Variants in SPANXN2 observed in about 807,000 individuals in gnomAD.
The protein encoded by SPANXN2 is SPANX family member N2.
A neutral mutation model predicts 2.0 loss-of-function variants in SPANXN2; 1 was observed. The ratio of observed to expected loss-of-function variants is 0.50; its 90% confidence interval spans 0.18 to 2.36. The LOEUF (loss-of-function observed/expected upper bound fraction) is 2.36. Ranked by LOEUF, SPANXN2 falls within the 30% of genes most tolerant of loss-of-function variation. The pLI, the probability that SPANXN2 is intolerant of heterozygous loss-of-function variation, is 0.26. For synonymous variants in SPANXN2, 43 were observed against 49.8 expected, an observed-to-expected ratio of 0.86 and a Z score of 0.58; for missense variants, 88 against 116.7, an observed-to-expected ratio of 0.75 and a Z score of 1.13.
intron 1 of SPANXN2, among the ~76,000 whole-genome samples, chrX:143,719,987 G>A (rs782669873): frequency 9.0e-6 from 1 of 110,702 alleles, no homozygotes; most frequent in African/African-American, 3.3e-5. Context: ...TGCCAAGTCC[G>A]GTACCAGTGC....
intron 1 of SPANXN2, among the ~76,000 whole-genome samples, chrX:143,718,066 T>C (rs1932299675): frequency 9.0e-6 from 1 of 111,463 alleles, no homozygotes; most frequent in African/African-American, 3.3e-5. Flanking sequence ...AAATGGGCTT[T>C]CCATATTCCT....
intron 1 of SPANXN2, among the ~76,000 whole-genome samples, chrX:143,714,366 A>C (rs1556449117): frequency 1.8e-5 from 2 of 111,261 alleles, no homozygotes; most frequent in Non-Finnish European, 3.8e-5. Context: ...CCTAAATCTT[A>C]TGACCTTACC....
intron 1 of SPANXN2, among the ~76,000 whole-genome samples, chrX:143,717,945 T>C (rs1556450156): frequency 8.9e-6 from 1 of 111,870 alleles, no homozygotes; most frequent in African/African-American, 3.3e-5. Context: ...CCATCGCTTC[T>C]ATTCTCTCCA....
At chrX:143,712,026 C>T (rs1556448281) in exon 2 of SPANXN2, 1 of 1,212,279 alleles carries the variant, frequency 8.2e-7, no homozygotes, top group Admixed American at 2.2e-5. Context: ...TTGGTTTCTC[C>T]ATGTTTGACT....
At chrX:143,712,217 A>G (rs1200904154) in exon 2 of SPANXN2, 7 of 460,555 alleles carry the variant, frequency 1.5e-5, no homozygotes, top group Admixed American at 1.2e-4. Flanking sequence ...TCCTGTGAAG[A>G]TCCTTCAGAT....
intron 1 of SPANXN2, among the ~76,000 whole-genome samples, chrX:143,716,088 G>A (rs1250737832): frequency 1.8e-5 from 2 of 110,683 alleles, no homozygotes; most frequent in Non-Finnish European, 3.8e-5. Context: ...CCTCATCAAG[G>A]ACCTAGCTGA....
At chrX:143,719,209 C>T (rs1852127590) in intron 1 of SPANXN2, among the ~76,000 whole-genome samples, 2 of 111,061 alleles carry the variant, frequency 1.8e-5, no homozygotes, top group Non-Finnish European at 3.8e-5. Flanking sequence ...AAACATGTTA[C>T]CAGTCGGATT....
rs375179112 is a variant in SPANXN2 at position 143,715,134 on chromosome X, G to A, written c.79-2635C>T. ...AGACAGGTGGGGCCTGGAGTCCACC[G>A]CCCCTACTGCCATCACCACCTCGGA... On this transcript the variant is annotated intron_variant, in intron 1 of 1. Coordinates refer to ENST00000598475, the Ensembl canonical transcript of SPANXN2. 2.5e-4 allele frequency among the ~76,000 whole-genome samples: 28 copies of A among 111,349 alleles called. No individual in the cohort carries two copies. The East Asian group carries it at 2.6e-3, about 10-fold the overall frequency.
chrX:143,717,298 C>A (rs1230434656), intron 1 of SPANXN2, among the ~76,000 whole-genome samples: 1 of 111,888 alleles, frequency 8.9e-6, no homozygotes, highest in Non-Finnish European at 1.9e-5. Context: ...ACAAAAGGAA[C>A]CCCCATAAGA....
chrX:143,720,300 G>A (rs1932342990), intron 1 of SPANXN2, among the ~76,000 whole-genome samples: 1 of 108,531 alleles, frequency 9.2e-6, no homozygotes, highest in Non-Finnish European at 1.9e-5. Context: ...GTATCTTGCT[G>A]GGCAAAGTTC....
At chrX:143,720,742 G>C (rs193118558) in exon 1 of SPANXN2, 65 of 1,117,517 alleles carry the variant, frequency 5.8e-5, no homozygotes, top group Admixed American at 2.2e-4. Flanking sequence ...ATTGAAGCTT[G>C]CCAGGAGGAT....
intron 1 of SPANXN2, 115 bp downstream of exon 1, chrX:143,720,476 C>T (rs1932348338): frequency 7.2e-6 from 6 of 833,256 alleles, no homozygotes; most frequent in African/African-American, 4.5e-5. Context: ...TGGCATTAAG[C>T]GGGTCCCCCA....
intron 1 of SPANXN2, among the ~76,000 whole-genome samples, chrX:143,718,856 C>T (rs1382828412): frequency 9.0e-6 from 1 of 111,246 alleles, no homozygotes; most frequent in Admixed American, 9.5e-5. Context: ...CTTTTGTCCT[C>T]TCTATCTGTG....
chrX:143,715,495 C>T (rs1428865572), intron 1 of SPANXN2, among the ~76,000 whole-genome samples: 1 of 109,697 alleles, frequency 9.1e-6, no homozygotes, highest in Non-Finnish European at 1.9e-5. Flanking sequence ...AAACGCTTCC[C>T]TCTCCCCCCA....
chrX:143,713,702 C>A (rs1318686664), intron 1 of SPANXN2, among the ~76,000 whole-genome samples: 3 of 111,418 alleles, frequency 2.7e-5, no homozygotes, highest in Admixed American at 1.9e-4. Flanking sequence ...AGTACTCGCT[C>A]ACCCCTGGGG....
rs782629789 is a variant in SPANXN2 at position 143,717,344 on chromosome X, T to G, written c.78+3247A>C. On this transcript the variant is annotated intron_variant, in intron 1 of 1. Coordinates refer to ENST00000598475, the Ensembl canonical transcript of SPANXN2. ...TTACACATAAGCTGTTGGGGGTGGA[T>G]AAACCACCACCAAAGGCCACCATTA... Among the ~76,000 whole-genome samples, 3 of 111,723 alleles carry G rather than the reference T, an allele frequency of 2.7e-5. No homozygotes were observed. In the South Asian group the frequency reaches 1.1e-3, roughly 43 times the overall value.
At chrX:143,720,722 C>G (rs1403393544) in exon 1 of SPANXN2, 78 of 1,162,997 alleles carry the variant, frequency 6.7e-5, no homozygotes, top group Non-Finnish European at 8.8e-5. Flanking sequence ...CTGCAGACTT[C>G]CACAGCTATA....
exon 2 of SPANXN2, chrX:143,712,485 C>T (rs782173002): frequency 2.2e-5 from 26 of 1,207,861 alleles, no homozygotes; most frequent in South Asian, 5.3e-5. Flanking sequence ...AGACCCTGTT[C>T]GGTGCCTCCT....
intron 1 of SPANXN2, among the ~76,000 whole-genome samples, chrX:143,718,433 C>A (rs1314440116): frequency 1.8e-5 from 2 of 111,600 alleles, no homozygotes; most frequent in Non-Finnish European, 3.8e-5. Context: ...ATCACAGACT[C>A]CTCCTCCCCC....
Sources: gnomAD v4.1 joint callset for allele counts (sites outside exome capture counted in the v4.1 genomes callset) on GRCh38, gnomAD v4.1.1 for gene constraint, MANE v1.5 for transcripts, NCBI Gene and HGNC (gene_info 2026-07-23, HGNC 2026-07-21) for gene names.